Variants in DPP10 observed in about 807,000 individuals in gnomAD.
DPP10 encodes inactive dipeptidyl peptidase 10.
DPP10 carries 33 observed loss-of-function variants against 120.9 expected under a neutral mutation model. That is an observed-to-expected ratio of 0.27 (90% CI 0.21 to 0.37). The LOEUF is 0.37. DPP10 is among the 10% of genes least tolerant of loss of function. The probability of loss-of-function intolerance (pLI) is 1.00; values close to 1 mark genes in which losing one functional copy is unlikely to be tolerated. For missense variants in DPP10, 816 were observed against 942.8 expected (o/e 0.87, Z 1.76); for synonymous variants, 337 against 326.1 (o/e 1.03, Z -0.36).
At chr2:115,476,273 A>G (rs889208125) in intron 3 of DPP10, among the ~76,000 whole-genome samples, 5 of 152,072 alleles carry the variant, frequency 3.3e-5, no homozygotes, top group African/African-American at 1.2e-4. Context: ...CTGATGTTTT[A>G]AAAGCGTGTG....
chr2:115,726,655 G>A (rs978879737), intron 7 of DPP10, among the ~76,000 whole-genome samples: 6 of 152,040 alleles, frequency 3.9e-5, no homozygotes, highest in East Asian at 3.9e-4. Flanking sequence ...CTGTTGTAGC[G>A]GTGGAATTAA....
At chr2:114,656,892 G>A (rs910263555) in intron 1 of DPP10, among the ~76,000 whole-genome samples, 1 of 151,924 alleles carries the variant, frequency 6.6e-6, no homozygotes, top group Non-Finnish European at 1.5e-5. Context: ...CAGCCTAAGT[G>A]GTCAAACCAA....
chr2:115,571,419 G>T (rs912177184), intron 5 of DPP10, among the ~76,000 whole-genome samples: 1 of 151,982 alleles, frequency 6.6e-6, no homozygotes, highest in East Asian at 1.9e-4. Context: ...TTCTATTGTT[G>T]CCATTTTTAA....
intron 1 of DPP10, among the ~76,000 whole-genome samples, chr2:114,661,433 A>G (rs1697395696): frequency 6.6e-6 from 1 of 152,210 alleles, no homozygotes; most frequent in African/African-American, 2.4e-5. Flanking sequence ...CGAGAGCATC[A>G]GTGGGAAAGA....
chr2:115,354,104 A>C (rs1056869065), intron 3 of DPP10, among the ~76,000 whole-genome samples: 6 of 152,192 alleles, frequency 3.9e-5, no homozygotes, highest in Admixed American at 6.6e-5. Flanking sequence ...AGATAATCAT[A>C]ATAAGAAACT....
intron 1 of DPP10, among the ~76,000 whole-genome samples, chr2:114,979,286 A>G (rs1192981884): frequency 6.6e-6 from 1 of 152,022 alleles, no homozygotes; most frequent in Non-Finnish European, 1.5e-5. Flanking sequence ...AAATTTAATT[A>G]AAATAAATTT....
intron 5 of DPP10, among the ~76,000 whole-genome samples, chr2:115,534,103 A>T (rs2078645444): frequency 6.6e-6 from 1 of 151,204 alleles, no homozygotes; most frequent in South Asian, 2.1e-4. Context: ...TTATTTTTTT[A>T]TTTTTTATTT....
chr2:115,398,826 G>A (rs2067862827), intron 3 of DPP10, among the ~76,000 whole-genome samples: 2 of 152,106 alleles, frequency 1.3e-5, no homozygotes, highest in Non-Finnish European at 2.9e-5. Context: ...AAATAAAAGT[G>A]CTATTTAAAA....
intron 1 of DPP10, among the ~76,000 whole-genome samples, chr2:114,515,784 A>G (rs1427012112): frequency 6.6e-6 from 1 of 150,644 alleles, no homozygotes; most frequent in African/African-American, 2.4e-5. Context: ...ACAATTCTGT[A>G]TAACATCTAC....
At chr2:115,309,449 A>C in intron 2 of DPP10, 96 bp downstream of exon 2, 2 of 1,152,860 alleles carry the variant, frequency 1.7e-6, no homozygotes, top group Non-Finnish European at 2.5e-6. Context: ...GTGGTATCTT[A>C]GGGCACATTA....
intron 1 of DPP10, among the ~76,000 whole-genome samples, chr2:114,963,174 T>A (rs549308355): frequency 6.6e-6 from 1 of 152,326 alleles, no homozygotes; most frequent in South Asian, 2.1e-4. Context: ...CAACCAGCTT[T>A]CAGGTTCATT....
intron 1 of DPP10, among the ~76,000 whole-genome samples, chr2:114,808,952 A>G (rs1000613173): frequency 6.6e-6 from 1 of 152,138 alleles, no homozygotes; most frequent in Non-Finnish European, 1.5e-5. Context: ...GTTTATTTAT[A>G]TTGTGTCTAT....
rs1338960908 is a variant in DPP10, at chr2:115,497,091, T to C, written c.272-2419T>C. Among the ~76,000 whole-genome samples, 3 of 152,164 alleles carry C rather than the reference T, an allele frequency of 2.0e-5. No homozygotes were observed. In the East Asian group the frequency reaches 5.8e-4, roughly 29 times the overall value. ...ACAGTACTATCATCTATATTATCTATATATAGGCGAGTCACAAATCTTGTG... is the reference window on the plus strand; with the variant it reads ...ACAGTACTATCATCTATATTATCTACATATAGGCGAGTCACAAATCTTGTG... On this transcript the variant is annotated intron_variant, in intron 3 of 25. Coordinates refer to ENST00000410059, the MANE Select transcript of DPP10 (RefSeq NM_020868.6).
intron 1 of DPP10, among the ~76,000 whole-genome samples, chr2:115,132,535 G>T (rs2104795312): frequency 6.6e-6 from 1 of 152,232 alleles, no homozygotes; most frequent in Non-Finnish European, 1.5e-5. Flanking sequence ...TGTTATACTA[G>T]AATCAGGTTG....
chr2:114,499,625 T>C (rs997743013), intron 1 of DPP10, among the ~76,000 whole-genome samples: 3 of 151,728 alleles, frequency 2.0e-5, no homozygotes, highest in African/African-American at 7.3e-5. Flanking sequence ...AGGAGAGCCA[T>C]AGGCTAAGAT....
intron 5 of DPP10, among the ~76,000 whole-genome samples, chr2:115,535,206 G>A (rs2078738532): frequency 6.6e-6 from 1 of 151,896 alleles, no homozygotes; most frequent in South Asian, 2.1e-4. Flanking sequence ...GTCCTGAATG[G>A]TATTGCCTAG....
At chr2:114,810,012 A>G (rs1283413681) in intron 1 of DPP10, among the ~76,000 whole-genome samples, 17 of 152,150 alleles carry the variant, frequency 1.1e-4, no homozygotes, top group Non-Finnish European at 7.3e-5. Flanking sequence ...CATGTCTTTC[A>G]ATGATCACTA....
intron 1 of DPP10, among the ~76,000 whole-genome samples, chr2:114,951,680 A>T (rs978294203): frequency 1.3e-5 from 2 of 152,130 alleles, no homozygotes; most frequent in Admixed American, 6.5e-5. Context: ...TGCTTCTTTT[A>T]TCAAATCTTA....
At chr2:114,586,727 C>A (rs1412622795) in intron 1 of DPP10, among the ~76,000 whole-genome samples, 2 of 152,128 alleles carry the variant, frequency 1.3e-5, no homozygotes, top group African/African-American at 4.8e-5. Flanking sequence ...TGGGATGGAT[C>A]CTTCATGAAT....
Sources: gnomAD v4.1 joint callset for allele counts (sites outside exome capture counted in the v4.1 genomes callset) on GRCh38, gnomAD v4.1.1 for gene constraint, MANE v1.5 for transcripts, NCBI Gene and HGNC (gene_info 2026-07-23, HGNC 2026-07-21) for gene names.